Variants in FYN observed in about 807,000 individuals in gnomAD.
The protein encoded by FYN is FYN proto-oncogene, Src family tyrosine kinase, also known as tyrosine-protein kinase Fyn.
In FYN, 10 loss-of-function variants were observed where a neutral mutation model predicts 70.2. That is an observed-to-expected ratio of 0.14 (90% CI 0.09 to 0.24). The LOEUF (loss-of-function observed/expected upper bound fraction) is 0.24. Ranked by LOEUF, FYN falls within the 10% of genes least tolerant of loss-of-function variation. FYN has a pLI of 1.00. For synonymous variants in FYN, 236 were observed against 248.6 expected (o/e 0.95, Z 0.48); for missense variants, 319 against 673.1 (o/e 0.47, Z 5.82).
At chr6:111,846,489 T>C (rs1419012635) in intron 2 of FYN, 100 bp downstream of exon 2, 2 of 398,618 alleles carry the variant, frequency 5.0e-6, no homozygotes, top group Non-Finnish European at 8.9e-6. Flanking sequence ...GACTCAGAAT[T>C]ACAATCCCAA....
At chr6:111,860,555 C>A (rs1437627830) in intron 1 of FYN, among the ~76,000 whole-genome samples, 1 of 152,142 alleles carries the variant, frequency 6.6e-6, no homozygotes, top group African/African-American at 2.4e-5. Context: ...CTTGGGCACC[C>A]CAGATTAGGG....
chr6:111,856,729 T>C lies in FYN; in HGVS notation c.-122-10100A>G, dbSNP rs149168598. On this transcript the variant is annotated intron_variant, in intron 1 of 13. Transcript: ENST00000354650. ...TTATGTGGTTCTCCATCTCTAACTC[T>C]CTTGGCTCCCCCCCGACACACAAGG... is the stretch of plus-strand genomic sequence containing the variant. 1.8e-3 allele frequency among the ~76,000 whole-genome samples: 275 copies of C among 152,286 alleles called. 1 individual carries two copies. Among genetic ancestry groups the C allele is most frequent in the Non-Finnish European group, 3.4e-3 (231 of 68,024 alleles).
intron 12 of FYN, among the ~76,000 whole-genome samples, chr6:111,687,988 G>A (rs901798334): frequency 1.3e-5 from 2 of 152,044 alleles, no homozygotes; most frequent in East Asian, 1.9e-4. Context: ...GGACTGAGGT[G>A]TATGTGGGAA....
intron 4 of FYN, among the ~76,000 whole-genome samples, chr6:111,716,645 T>C (rs994929449): frequency 6.8e-6 from 1 of 147,822 alleles, no homozygotes; most frequent in Non-Finnish European, 1.5e-5. Flanking sequence ...AAACATAACC[T>C]CTGTATATTA....
At chr6:111,805,247 T>TA (rs1242526130) in intron 2 of FYN, among the ~76,000 whole-genome samples, 1 of 152,158 alleles carries the variant, frequency 6.6e-6, no homozygotes, top group East Asian at 1.9e-4. Flanking sequence ...TTCCCATCAC[T>TA]AAAGTGGGAC....
At chr6:111,695,382 C>T (rs989919743) in intron 10 of FYN, among the ~76,000 whole-genome samples, 2 of 152,172 alleles carry the variant, frequency 1.3e-5, no homozygotes, top group Non-Finnish European at 2.9e-5. Flanking sequence ...TTAAATCAGA[C>T]ATCTGAAATG....
chr6:111,838,311 T>G (rs1019254892), intron 2 of FYN, among the ~76,000 whole-genome samples: 9 of 152,150 alleles, frequency 5.9e-5, no homozygotes, highest in African/African-American at 2.2e-4. Context: ...CTACCAACTT[T>G]CCCTTCCCAT....
chr6:111,782,326 G>C (rs1014200249), intron 2 of FYN, among the ~76,000 whole-genome samples: 2 of 152,162 alleles, frequency 1.3e-5, no homozygotes, highest in Non-Finnish European at 2.9e-5. Flanking sequence ...CAGCACAGCA[G>C]GGAGGCGCTC....
intron 5 of FYN, among the ~76,000 whole-genome samples, chr6:111,709,216 G>T (rs1177740872): frequency 2.6e-5 from 4 of 151,974 alleles, no homozygotes; most frequent in Admixed American, 6.6e-5. Context: ...TTTTGGCTGA[G>T]TTCTGTGTCA....
intron 5 of FYN, 149 bp from the exon 6 acceptor site, chr6:111,708,169 T>TC (rs1800191207): frequency 1.6e-6 from 1 of 621,612 alleles, no homozygotes; most frequent in African/African-American, 1.8e-5. Context: ...TCCAACATAG[T>TC]CCCCCTGTGA....
At chr6:111,774,271 C>A (rs1299264930) in intron 3 of FYN, among the ~76,000 whole-genome samples, 4 of 152,198 alleles carry the variant, frequency 2.6e-5, no homozygotes, top group African/African-American at 9.7e-5. Flanking sequence ...CTTTCAGGGA[C>A]TGAGAGCTCC....
intron 3 of FYN, among the ~76,000 whole-genome samples, chr6:111,759,654 C>T (rs563568298): frequency 6.6e-6 from 1 of 152,310 alleles, no homozygotes. Flanking sequence ...CATTCATTTA[C>T]TCACCCACTC....
At position 111,762,214 on chromosome 6, in the gene FYN, G is replaced by A. The variant is rs548126398; in HGVS notation, c.-12+18352C>T. The stretch of plus-strand genomic sequence containing the variant: ...GAAGCTTCCTGAGCTGTTGGCCACA[G>A]CTGGGGGCCACCCTGGGAGAGGCTT... On this transcript the variant is annotated intron_variant, in intron 3 of 13. Coordinates refer to ENST00000354650, the MANE Select transcript of FYN (RefSeq NM_002037.5). Among the ~76,000 whole-genome samples, 17 of 152,346 alleles carry A rather than the reference G, an allele frequency of 1.1e-4. No individual in the cohort carries two copies. In the South Asian group the frequency reaches 3.1e-3, roughly 28 times the overall value.
intron 1 of FYN, among the ~76,000 whole-genome samples, chr6:111,870,647 C>T (rs924994600): frequency 6.6e-6 from 1 of 152,172 alleles, no homozygotes; most frequent in African/African-American, 2.4e-5. Flanking sequence ...ATAATGCCTG[C>T]TGCCAAAGTT....
intron 3 of FYN, among the ~76,000 whole-genome samples, chr6:111,721,355 CAATA>C (rs1800931309): frequency 6.6e-6 from 1 of 152,198 alleles, no homozygotes; most frequent in Non-Finnish European, 1.5e-5. Context: ...GTGCCTGGAA[CAATA>C]AATAGCAACC....
intron 1 of FYN, among the ~76,000 whole-genome samples, chr6:111,857,651 A>G (rs1191851118): frequency 6.6e-6 from 1 of 152,230 alleles, no homozygotes; most frequent in Admixed American, 6.5e-5. Context: ...TTTGTGCATG[A>G]TTGAATTCAA....
At chr6:111,795,819 G>C (rs150324154) in intron 2 of FYN, among the ~76,000 whole-genome samples, 2 of 152,306 alleles carry the variant, frequency 1.3e-5, no homozygotes, top group African/African-American at 4.8e-5. Context: ...AACCTACTGA[G>C]GTGGCAGAGC....
At chr6:111,788,185 C>A (rs549472622) in intron 2 of FYN, among the ~76,000 whole-genome samples, 1 of 152,296 alleles carries the variant, frequency 6.6e-6, no homozygotes, top group East Asian at 1.9e-4. Context: ...TATACCTCTA[C>A]TGTACAACTT....
chr6:111,747,040 T>C (rs943291299), intron 3 of FYN, among the ~76,000 whole-genome samples: 1 of 152,290 alleles, frequency 6.6e-6, no homozygotes, highest in South Asian at 2.1e-4. Context: ...AAATATTCTT[T>C]AAAAAATTAA....
Sources: allele counts gnomAD v4.1 joint callset (sites outside exome capture counted in the v4.1 genomes callset), GRCh38; gene constraint gnomAD v4.1.1; transcripts MANE v1.5; gene names NCBI Gene and HGNC (gene_info 2026-07-23, HGNC 2026-07-21).